MYL3: variants seen among roughly 807,000 people sequenced by gnomAD.
MYL3 encodes the protein myosin light chain 3, also known as CMLC1.
Under a neutral mutation model 21.3 loss-of-function variants are expected in MYL3, and 11 were observed. That is an observed-to-expected ratio of 0.52 (90% CI 0.32 to 0.85). The LOEUF is 0.85. Among genes scored for constraint, MYL3 ranks in the 40% least tolerant of loss-of-function variants. MYL3 has a pLI of 0.03. For synonymous variants in MYL3, 88 were observed against 91.6 expected (o/e 0.96, Z 0.22); for missense variants, 206 against 253.3 (o/e 0.81, Z 1.27).
chr3:46,878,642 G>A (rs1262947674), intron 1 of MYL3, among the ~76,000 whole-genome samples: 1 of 152,178 alleles, frequency 6.6e-6, no homozygotes, highest in Non-Finnish European at 1.5e-5. Flanking sequence ...GGAAGGCCAG[G>A]CTGCATTGCT....
At chr3:46,862,678 A>G (rs1702005434) in intron 1 of MYL3, among the ~76,000 whole-genome samples, 2 of 152,218 alleles carry the variant, frequency 1.3e-5, no homozygotes, top group Non-Finnish European at 2.9e-5. Context: ...GCCACTGGTC[A>G]TAGCTCCATG....
chr3:46,873,405 G>A (rs562451318), intron 1 of MYL3, among the ~76,000 whole-genome samples: 29 of 152,332 alleles, frequency 1.9e-4, no homozygotes, highest in Non-Finnish European at 4.0e-4. Flanking sequence ...CAGGGGCCAC[G>A]GAAGGCAGGG....
At chr3:46,880,690 G>A (rs2030495281) in intron 1 of MYL3, among the ~76,000 whole-genome samples, 1 of 152,128 alleles carries the variant, frequency 6.6e-6, no homozygotes, top group African/African-American at 2.4e-5. Context: ...TCATGCCACT[G>A]GACTCCAGCC....
intron 1 of MYL3, among the ~76,000 whole-genome samples, chr3:46,876,732 G>A (rs1446565331): frequency 6.6e-6 from 1 of 152,216 alleles, no homozygotes; most frequent in Non-Finnish European, 1.5e-5. Flanking sequence ...TCACATGCAG[G>A]GCACTGGGGG....
Position 46,861,384 on chromosome 3 carries a change from T to C in MYL3, c.130-397A>G, listed in dbSNP as rs879873524. Among the ~76,000 whole-genome samples the C allele has an allele frequency of 3.3e-5, 5 of 152,076 alleles. No individual in the cohort carries two copies. The highest frequency in any genetic ancestry group is 7.4e-5 in the Non-Finnish European group (5 of 67,990). On this transcript the variant is annotated intron_variant, in intron 1 of 6. Coordinates refer to ENST00000292327, the MANE Select transcript of MYL3 (RefSeq NM_000258.3). The surrounding 1 kb of genome is among the most constrained non-coding windows in gnomAD (Gnocchi z 4.2). ...GCTTGGGGCCTGGTGGGCAGGACTG[T>C]CAGCAAAAGTGAGATGGGAGGGCCC...
At chr3:46,872,516 T>G (rs1184683544) in intron 1 of MYL3, among the ~76,000 whole-genome samples, 1 of 119,166 alleles carries the variant, frequency 8.4e-6, no homozygotes, top group Non-Finnish European at 1.7e-5. Context: ...GAGATACACC[T>G]CCCAGGGGCA....
intron 1 of MYL3, among the ~76,000 whole-genome samples, chr3:46,862,814 T>C (rs879282973): frequency 2.6e-5 from 4 of 152,214 alleles, no homozygotes; most frequent in African/African-American, 7.2e-5. Context: ...AGACCCAGCC[T>C]GGACAGGGGC....
intron 1 of MYL3, among the ~76,000 whole-genome samples, chr3:46,872,422 G>A (rs1470000168): frequency 6.6e-6 from 1 of 152,178 alleles, no homozygotes; most frequent in African/African-American, 2.4e-5. Flanking sequence ...ATTTAGCAGG[G>A]GATGCTGTAG....
In MYL3 at chr3:46,879,964, G is replaced by A. The variant is rs1326420561; in HGVS notation, c.-218+2110C>T. Among the ~76,000 whole-genome samples, 8 of 151,240 alleles carry A rather than the reference G, an allele frequency of 5.3e-5. No homozygotes were observed. Among genetic ancestry groups the A allele is most frequent in the African/African-American group, 9.7e-5 (4 of 41,096 alleles). Reference sequence around the variant, plus strand: ...TGAGGCCAGAGAATTGCTTGAACCCGGGAGGTGGAGGTTGCAGTCAGCCGA... The same window carrying A: ...TGAGGCCAGAGAATTGCTTGAACCCAGGAGGTGGAGGTTGCAGTCAGCCGA... On this transcript the variant is annotated intron_variant, in intron 1 of 3. Transcript: ENST00000431168. The surrounding 1 kb of genome is among the most constrained non-coding windows in gnomAD (Gnocchi z 4.7).
At chr3:46,868,644 G>A (rs1197831941) in intron 1 of MYL3, among the ~76,000 whole-genome samples, 1 of 152,194 alleles carries the variant, frequency 6.6e-6, no homozygotes, top group Non-Finnish European at 1.5e-5. Context: ...CAGCATGAGG[G>A]AGGGGTGGGC....
At chr3:46,865,439 T>G (rs1389376560), upstream of MYL3, among the ~76,000 whole-genome samples, 1 of 152,128 alleles carries the variant, frequency 6.6e-6, no homozygotes, top group Non-Finnish European at 1.5e-5. The surrounding 1 kb of genome is among the most constrained non-coding windows in gnomAD (Gnocchi z 4.3). Flanking sequence ...CACCCAGGCC[T>G]GCCGACCCTC....
rs1428496366 is a variant in MYL3 at position 46,874,985 on chromosome 3, G to A, written c.-218+7089C>T. Among the ~76,000 whole-genome samples the A allele has an allele frequency of 6.6e-6, 1 of 152,206 alleles. No individual in the cohort carries two copies. Among genetic ancestry groups the A allele is most frequent in the Non-Finnish European group, 1.5e-5 (1 of 68,032 alleles). The stretch of plus-strand genomic sequence containing the variant: ...GGATCTCCCTCAGAGCTGCCCTTGG[G>A]AACAGCAGGGCTGGGGGTGGGTTTG... On this transcript the variant is annotated intron_variant, in intron 1 of 3. Coordinates refer to the MYL3 transcript ENST00000431168. This position sits in a 1 kb window ranked among gnomAD's most constrained non-coding sequence, Gnocchi z 4.1.
At chr3:46,862,496 G>T (rs564951393) in intron 1 of MYL3, among the ~76,000 whole-genome samples, 17 of 152,304 alleles carry the variant, frequency 1.1e-4, no homozygotes, top group East Asian at 5.8e-4. Flanking sequence ...GATGGCGAGG[G>T]TTCCACAGGG....
rs1701965653 is a variant in MYL3, at chr3:46,859,399, G to A, written c.481+76C>T. ...TCTCCATTTCACCAATGGGTCACAG[G>A]CCTGGGGGGCAACAGAGTGGTTTCT... On this transcript the variant is annotated intron_variant, in intron 4 of 6. Transcript: ENST00000292327. The surrounding 1 kb of genome is among the most constrained non-coding windows in gnomAD (Gnocchi z 4.1). The A allele has an allele frequency of 5.1e-6, 8 of 1,582,648 alleles. No individual in the cohort carries two copies. Among genetic ancestry groups the A allele is most frequent in the Non-Finnish European group, 6.9e-6 (8 of 1,153,838 alleles).
chr3:46,878,215 T>C (rs921706150), intron 1 of MYL3, among the ~76,000 whole-genome samples: 8 of 152,336 alleles, frequency 5.3e-5, no homozygotes, highest in African/African-American at 9.6e-5. Context: ...CATGGGAGCC[T>C]CCAGCGACTC....
intron 1 of MYL3, among the ~76,000 whole-genome samples, chr3:46,871,404 C>T (rs1575500920): frequency 2.0e-5 from 3 of 152,096 alleles, no homozygotes; most frequent in Admixed American, 2.0e-4. Context: ...TTGGGGCTTT[C>T]GAGCTTCAGC....
chr3:46,868,862 G>A (rs531305522), intron 1 of MYL3, among the ~76,000 whole-genome samples: 12 of 152,356 alleles, frequency 7.9e-5, no homozygotes, highest in African/African-American at 2.9e-4. Context: ...TCCAAAGAGT[G>A]AGCATCAGTT....
At chr3:46,867,300 C>T (rs1227273786), upstream of MYL3, among the ~76,000 whole-genome samples, 3 of 152,168 alleles carry the variant, frequency 2.0e-5, no homozygotes, top group Non-Finnish European at 2.9e-5. Flanking sequence ...GGACTGCAAA[C>T]CCAAACCCCA....
chr3:46,875,977 C>T (rs890567148), intron 1 of MYL3, among the ~76,000 whole-genome samples: 1 of 152,380 alleles, frequency 6.6e-6, no homozygotes, highest in African/African-American at 2.4e-5. Flanking sequence ...GAGGGCCAGA[C>T]TTGCCCCCCA....
Sources: allele counts gnomAD v4.1 joint callset (sites outside exome capture counted in the v4.1 genomes callset), GRCh38; gene constraint gnomAD v4.1.1; non-coding constraint Gnocchi (gnomAD v3.1); transcripts MANE v1.5; gene names NCBI Gene and HGNC (gene_info 2026-07-23, HGNC 2026-07-21).